Variants in SLC28A1 observed in about 807,000 individuals in gnomAD.
SLC28A1 encodes the protein solute carrier family 28 member 1.
A neutral mutation model predicts 74.8 loss-of-function variants in SLC28A1; 64 were observed. The ratio of observed to expected loss-of-function variants is 0.86; its 90% CI spans 0.70 to 1.05. The LOEUF (loss-of-function observed/expected upper bound fraction) is 1.05. SLC28A1 is among the 50% of genes least tolerant of loss of function. The pLI is 0.00. For missense variants in SLC28A1, 828 were observed against 822.8 expected (o/e 1.01, Z -0.08); for synonymous variants, 359 against 335.0 (o/e 1.07, Z -0.78).
intron 4 of SLC28A1, 104 bp from the exon 5 acceptor site, chr15:84,890,339 C>T: frequency 7.2e-6 from 6 of 837,128 alleles, no homozygotes; most frequent in Non-Finnish European, 1.2e-5. Flanking sequence ...CTGGCTTGCC[C>T]CTGTTGCCAC....
intron 15 of SLC28A1, 36 bp from the exon 16 acceptor site, chr15:84,943,408 AG>A (rs775723767): frequency 1.3e-6 from 2 of 1,522,936 alleles, no homozygotes; most frequent in South Asian, 2.2e-5. Context: ...GGCCCATCTG[AG>A]GGGAGCCCCT....
intron 15 of SLC28A1, among the ~76,000 whole-genome samples, chr15:84,935,776 G>GT (rs1177783043): frequency 2.0e-5 from 3 of 152,052 alleles, no homozygotes; most frequent in African/African-American, 7.2e-5. Context: ...TAGATGGGTC[G>GT]TTTTTCACTG....
At chr15:84,885,731 C>CAA (rs34688568) in intron 1 of SLC28A1, among the ~76,000 whole-genome samples, 54,815 of 103,672 alleles carry the variant, frequency 0.53, 12,365 homozygotes, top group African/African-American at 0.58. Context: ...AACTCCGTCT[C>CAA]AAAAAAAAAA....
chr15:84,920,933 T>C (rs1969757920), intron 10 of SLC28A1, 56 bp from the exon 11 acceptor site: 5 of 1,400,494 alleles, frequency 3.6e-6, no homozygotes, highest in Non-Finnish European at 5.1e-6. Flanking sequence ...TCCAGCCCCC[T>C]CTGACTCTGG....
chr15:84,944,605 T>C lies in SLC28A1; in HGVS notation c.1703T>C (p.Ile568Thr), dbSNP rs149851374. The C allele has an allele frequency of 5.6e-6, 9 of 1,614,076 alleles. No homozygotes were observed. Among genetic ancestry groups the C allele is most frequent in the Non-Finnish European group, 7.6e-6 (9 of 1,179,934 alleles). Residue 568 changes from isoleucine to threonine, a missense_variant, in exon 17 of 19, where the codon ATA becomes ACA. Coordinates refer to ENST00000394573, the MANE Select transcript of SLC28A1 (RefSeq NM_004213.5). ...VPQRKSDFSQ[I>T]VLRALFTGAC... Reference sequence around the variant, plus strand: ...CAACGGAAGAGCGACTTCTCCCAGATAGTGCTCCGGGCGCTCTTCACGGGA... The same window carrying C: ...CAACGGAAGAGCGACTTCTCCCAGACAGTGCTCCGGGCGCTCTTCACGGGA...
the SLC28A1 span, among the ~76,000 whole-genome samples, chr15:84,962,464 G>T: frequency 6.6e-6 from 1 of 151,996 alleles, no homozygotes; most frequent in Non-Finnish European, 1.5e-5. Context: ...TTGAGATAGA[G>T]TCTTGCTCCG....
At chr15:84,906,561 T>C (rs371858750) in intron 8 of SLC28A1, among the ~76,000 whole-genome samples, 78 of 86,246 alleles carry the variant, frequency 9.0e-4, no homozygotes, top group African/African-American at 3.8e-3. Context: ...TCTTTCTTTC[T>C]TTCTCTTTCT....
At chr15:84,952,469 G>A in the SLC28A1 span, among the ~76,000 whole-genome samples, 12 of 152,324 alleles carry the variant, frequency 7.9e-5, no homozygotes, top group South Asian at 6.2e-4. Context: ...CTTCAGTGAC[G>A]GACCATGAGT....
rs751372007 is a variant in SLC28A1 at position 84,933,017 on chromosome 15, A to G, written c.1084-128A>G. ...TATTATTATTATTAGTGATGACAGC[A>G]GTTATGACAATGAGGACATATCAGT... On this transcript the variant is annotated intron_variant, in intron 12 of 18. Transcript: ENST00000394573. The G allele has an allele frequency of 6.8e-5, 58 of 852,208 alleles. 1 individual carries two copies. Among genetic ancestry groups the G allele is most frequent in the Non-Finnish European group, 1.1e-4 (55 of 503,146 alleles). 52.8% of individuals were successfully genotyped at this position (852,208 alleles called of 1,614,324 possible).
chr15:84,889,762 TTC>T (rs869089084), intron 4 of SLC28A1, among the ~76,000 whole-genome samples: 1,879 of 40,326 alleles, frequency 0.047, 76 homozygotes, highest in Admixed American at 0.057. Context: ...CCTTCCTTCC[TTC>T]CTTTTCTTTC....
chr15:84,886,332 A>C, intron 1 of SLC28A1: 1 of 985,380 alleles, frequency 1.0e-6, no homozygotes, highest in Non-Finnish European at 1.2e-6. Context: ...TGAAAGATAA[A>C]ATGCAAAAAG....
chr15:84,935,290 C>T (rs745725791), intron 14 of SLC28A1, 31 bp from the exon 15 acceptor site: 2 of 1,613,618 alleles, frequency 1.2e-6, no homozygotes, highest in South Asian at 2.2e-5. Context: ...AGGCCCAGCC[C>T]TCGGTGCCAG....
chr15:84,890,292 G>C, intron 4 of SLC28A1, 151 bp from the exon 5 acceptor site: 1 of 675,344 alleles, frequency 1.5e-6, no homozygotes, highest in Admixed American at 2.1e-5. Context: ...CTGGGCTGGG[G>C]TTGCCCTGCA....
intron 4 of SLC28A1, among the ~76,000 whole-genome samples, chr15:84,889,073 C>T (rs1043854939): frequency 4.6e-5 from 7 of 152,178 alleles, no homozygotes; most frequent in African/African-American, 7.2e-5. Context: ...ACAGCTGAAA[C>T]GAAATCCCAT....
In SLC28A1 at chr15:84,900,871, CAAGGAAGGAAGGAAGGAAGG is replaced by C. The variant is rs60285824; in HGVS notation, c.462-3202_462-3183del. On this transcript the variant is annotated intron_variant, in intron 6 of 18. Transcript: ENST00000394573. ...GAAAGGGAAGGGGAAGGGTGAAAGGCAAGGAAGGAAGGAAGGAAGGAAGGAAGGAAGGAAGGAAGGAAGTT... is the reference window on the plus strand; with the variant it reads ...GAAAGGGAAGGGGAAGGGTGAAAGGCAAGGAAGGAAGGAAGGAAGGAAGTT... Among the ~76,000 whole-genome samples, 81 of 146,458 alleles carry C rather than the reference CAAGGAAGGAAGGAAGGAAGG, an allele frequency of 5.5e-4. No homozygotes were observed. In the East Asian group the frequency reaches 0.013, roughly 23 times the overall value.
chr15:84,974,262 G>A, the SLC28A1 span, among the ~76,000 whole-genome samples: 1 of 152,144 alleles, frequency 6.6e-6, no homozygotes, highest in Non-Finnish European at 1.5e-5. Flanking sequence ...ATCGTATTTC[G>A]TTTTCTGCTT....
intron 6 of SLC28A1, chr15:84,895,481 TC>T: frequency 6.2e-7 from 1 of 1,608,836 alleles, no homozygotes; most frequent in Non-Finnish European, 8.5e-7. Context: ...GGAGGGGGAT[TC>T]AGCAGGCTCG....
In SLC28A1 at chr15:84,905,622, T is replaced by C. The variant is rs370090702; in HGVS notation, c.687T>C (p.Ile229=). The change falls in exon 8 of 19, where the codon ATT becomes ATC. Residue 229 remains isoleucine, a synonymous_variant. Transcript: ENST00000394573. ...TCATCAGAACAGAACCAGGATTCAT[T>C]GCGTTCGAGTGGCTGGGCGAGCAGA... ...LLVIRTEPGF[I]AFEWLGEQIR... 4 of 1,613,854 alleles carry C rather than the reference T, an allele frequency of 2.5e-6. No homozygotes were observed. The highest frequency in any genetic ancestry group is 1.6e-4 in the Middle Eastern group (1 of 6,084).
In SLC28A1 at chr15:84,944,675, G is replaced by C. The variant is rs759117917; in HGVS notation, c.1762+11G>C. 4 of 1,610,568 alleles carry C rather than the reference G, an allele frequency of 2.5e-6. No homozygotes were observed. The highest frequency in any genetic ancestry group is 1.7e-4 in the Middle Eastern group (1 of 6,048). On this transcript the variant is annotated intron_variant, in intron 17 of 18. Coordinates refer to ENST00000394573, the MANE Select transcript of SLC28A1 (RefSeq NM_004213.5). ...ACGCCTGTATGGCAGGTGAGTGCAG[G>C]CCTGGCAGGCTCAGAAGGTGGAACC...
Sources: allele counts gnomAD v4.1 joint callset (sites outside exome capture counted in the v4.1 genomes callset), GRCh38; gene constraint gnomAD v4.1.1; transcripts MANE v1.5; gene names NCBI Gene and HGNC (gene_info 2026-07-23, HGNC 2026-07-21).